GRIP2: variants seen among roughly 807,000 people sequenced by gnomAD.
GRIP2 encodes the protein glutamate receptor interacting protein 2.
Under a neutral mutation model 108.3 loss-of-function variants are expected in GRIP2, and 58 were observed. That is an observed-to-expected ratio of 0.54 (90% confidence interval 0.43 to 0.67). The LOEUF (loss-of-function observed/expected upper bound fraction) is 0.67, where lower values mean the gene tolerates loss of function less well. GRIP2 is among the 30% of genes least tolerant of loss of function. The pLI is 0.00. For synonymous variants in GRIP2, 586 were observed against 598.2 expected, an observed-to-expected ratio of 0.98 and a Z score of 0.30; for missense variants, 1,278 against 1,430.6, an observed-to-expected ratio of 0.89 and a Z score of 1.72.
intron 1 of GRIP2, among the ~76,000 whole-genome samples, chr3:14,535,124 CG>C (rs200472654): frequency 0.019 from 2,886 of 152,152 alleles, 76 homozygotes; most frequent in African/African-American, 0.061. Context: ...GCCAGCTCAC[CG>C]GGACCCTGGG....
At chr3:14,519,569 G>A (rs1694349149) in intron 9 of GRIP2, among the ~76,000 whole-genome samples, 1 of 152,188 alleles carries the variant, frequency 6.6e-6, no homozygotes. Flanking sequence ...TGAGCTGAAA[G>A]CTGCCCCTCT....
intron 1 of GRIP2, among the ~76,000 whole-genome samples, chr3:14,551,087 G>A (rs1002442370): frequency 2.0e-5 from 3 of 152,126 alleles, no homozygotes; most frequent in East Asian, 1.9e-4. Context: ...CAGAAGGGAC[G>A]CTGAGGCCAG....
intron 1 of GRIP2, among the ~76,000 whole-genome samples, chr3:14,529,476 A>G (rs1271327995): frequency 1.3e-5 from 2 of 152,202 alleles, no homozygotes; most frequent in African/African-American, 4.8e-5. Flanking sequence ...CTAAATAAGA[A>G]CATATTTCTT....
At chr3:14,533,948 G>A (rs1033457093) in intron 1 of GRIP2, among the ~76,000 whole-genome samples, 5 of 152,204 alleles carry the variant, frequency 3.3e-5, no homozygotes, top group African/African-American at 1.2e-4. Flanking sequence ...GGCAGCAGGC[G>A]AGGCCTCGAG....
At chr3:14,565,386 A>G in the GRIP2 span, among the ~76,000 whole-genome samples, 1 of 152,194 alleles carries the variant, frequency 6.6e-6, no homozygotes, top group African/African-American at 2.4e-5. Context: ...CCCACTTAGC[A>G]GATGTGCCTG....
At chr3:14,589,591 G>A in the GRIP2 span, among the ~76,000 whole-genome samples, 1 of 152,076 alleles carries the variant, frequency 6.6e-6, no homozygotes. Context: ...TATTCATGTT[G>A]TCTAGTGCGT....
intron 1 of GRIP2, among the ~76,000 whole-genome samples, chr3:14,538,081 C>T (rs1244698348): frequency 6.6e-6 from 1 of 151,822 alleles, no homozygotes; most frequent in African/African-American, 2.4e-5. Context: ...GGGTGTGGGG[C>T]CTGAGAAGGG....
chr3:14,558,096 T>A (rs1313776283), upstream of GRIP2, among the ~76,000 whole-genome samples: 2 of 152,230 alleles, frequency 1.3e-5, no homozygotes, highest in African/African-American at 4.8e-5. Context: ...TCTGATGCGT[T>A]CCATGAACTA....
At chr3:14,564,897 C>T in the GRIP2 span, among the ~76,000 whole-genome samples, 2 of 152,212 alleles carry the variant, frequency 1.3e-5, no homozygotes, top group Non-Finnish European at 2.9e-5. Flanking sequence ...CAGGCCTACC[C>T]TGGGACCCAC....
chr3:14,560,297 T>C (rs1232928379), upstream of GRIP2, among the ~76,000 whole-genome samples: 1 of 152,162 alleles, frequency 6.6e-6, no homozygotes, highest in Non-Finnish European at 1.5e-5. Context: ...AGCACGTGTA[T>C]GTATACAGTA....
At chr3:14,574,287 C>T in the GRIP2 span, 1 of 966,504 alleles carries the variant, frequency 1.0e-6, no homozygotes, top group Admixed American at 1.8e-5. Context: ...GTTGAGCCGT[C>T]CCACCATGCT....
chr3:14,600,439 A>G, the GRIP2 span, among the ~76,000 whole-genome samples: 1 of 152,218 alleles, frequency 6.6e-6, no homozygotes, highest in African/African-American at 2.4e-5. Flanking sequence ...TCACATAGTT[A>G]GTAATCAGAG....
chr3:14,597,510 G>A, the GRIP2 span, among the ~76,000 whole-genome samples: 6 of 152,172 alleles, frequency 3.9e-5, no homozygotes, highest in Admixed American at 2.0e-4. Context: ...AAGAGAGACC[G>A]AGAATGCTAA....
intron 4 of GRIP2, 103 bp from the exon 5 acceptor site, chr3:14,523,801 G>A: frequency 1.3e-6 from 1 of 785,962 alleles, no homozygotes; most frequent in Non-Finnish European, 2.2e-6. Context: ...CAGTCACAGA[G>A]ATTACAGGGA....
At chr3:14,503,245 T>G (rs1052509285) in intron 21 of GRIP2, among the ~76,000 whole-genome samples, 2 of 150,946 alleles carry the variant, frequency 1.3e-5, no homozygotes, top group Non-Finnish European at 2.9e-5. Flanking sequence ...TGAAATACAC[T>G]CTGCAAATGT....
At position 14,513,651 on chromosome 3, in the gene GRIP2, G is replaced by A. The variant is rs1416679693; in HGVS notation, c.1639+14C>T. The A allele has an allele frequency of 1.3e-6, 2 of 1,594,638 alleles. No individual in the cohort carries two copies. Among genetic ancestry groups the A allele is most frequent in the African/African-American group, 2.7e-5 (2 of 74,376 alleles). ...CCCTGAAATATGAGGAGGAAGCTTG[G>A]GCCACTCACTCACCCGCCACATCGA... is the stretch of plus-strand genomic sequence containing the variant. On this transcript the variant is annotated intron_variant, in intron 13 of 23. Coordinates refer to ENST00000621039, the MANE Select transcript of GRIP2 (RefSeq NM_001080423.4).
intron 19 of GRIP2, among the ~76,000 whole-genome samples, chr3:14,506,499 G>A (rs1693931308): frequency 1.3e-5 from 2 of 152,330 alleles, no homozygotes; most frequent in Admixed American, 1.3e-4. Flanking sequence ...TAGGAAGGAA[G>A]GCTACAGTAG....
chr3:14,507,492 A>G lies in GRIP2; in HGVS notation c.2218+69T>C, dbSNP rs920761193. Reference sequence around the variant, plus strand: ...GGACTCTGTGAGGGTGTGCAGGCAAAGCCTGGCACAGAGGGATTGCCCTTC... The same window carrying G: ...GGACTCTGTGAGGGTGTGCAGGCAAGGCCTGGCACAGAGGGATTGCCCTTC... On this transcript the variant is annotated intron_variant, in intron 18 of 23. Coordinates refer to ENST00000621039, the MANE Select transcript of GRIP2 (RefSeq NM_001080423.4). This position sits in a 1 kb window ranked among gnomAD's most constrained non-coding sequence, Gnocchi z 4.6. The G allele has an allele frequency of 6.4e-7, 1 of 1,567,372 alleles. No individual in the cohort carries two copies. The highest frequency in any genetic ancestry group is 1.3e-5 in the African/African-American group (1 of 74,104).
the GRIP2 span, among the ~76,000 whole-genome samples, chr3:14,600,509 A>T: frequency 6.6e-6 from 1 of 152,310 alleles, no homozygotes; most frequent in East Asian, 1.9e-4. Context: ...GAGGCCTTAA[A>T]TTATACAACG....
Sources: gnomAD v4.1 joint callset for allele counts (sites outside exome capture counted in the v4.1 genomes callset) on GRCh38, gnomAD v4.1.1 for gene constraint, Gnocchi (gnomAD v3.1) non-coding constraint, MANE v1.5 for transcripts, NCBI Gene and HGNC (gene_info 2026-07-23, HGNC 2026-07-21) for gene names.